GTF2IRD2: variants seen among roughly 807,000 people sequenced by gnomAD.
GTF2IRD2 encodes the protein GTF2I repeat domain containing 2, also known as general transcription factor II-I repeat domain-containing protein 2A.
A neutral mutation model predicts 49.2 loss-of-function variants in GTF2IRD2; 8 were observed. The ratio of observed to expected loss-of-function variants is 0.16; its 90% CI spans 0.10 to 0.29. The LOEUF is 0.29. Ranked by LOEUF, GTF2IRD2 falls within the 10% of genes least tolerant of loss-of-function variation. The probability of loss-of-function intolerance (pLI) is 1.00; values close to 1 mark genes in which losing one functional copy is unlikely to be tolerated. For missense variants in GTF2IRD2, 130 were observed against 725.7 expected (o/e 0.18, Z 9.43); for synonymous variants, 47 against 289.7 (o/e 0.16, Z 8.51).
intron 1 of GTF2IRD2, among the ~76,000 whole-genome samples, chr7:74,840,774 C>A (rs1800751381): frequency 7.2e-6 from 1 of 139,618 alleles, no homozygotes. Flanking sequence ...GGACCACATG[C>A]CAGGAGAGCC....
At chr7:74,829,783 G>T (rs1282259648) in intron 3 of GTF2IRD2, among the ~76,000 whole-genome samples, 1 of 150,822 alleles carries the variant, frequency 6.6e-6, no homozygotes, top group Non-Finnish European at 1.5e-5. Flanking sequence ...AGCTACTTGG[G>T]ATGCTGAGGC....
intron 3 of GTF2IRD2, among the ~76,000 whole-genome samples, chr7:74,825,767 T>G (rs1232088591): frequency 6.6e-6 from 1 of 151,982 alleles, no homozygotes; most frequent in Non-Finnish European, 1.5e-5. Context: ...TTTGTATCAA[T>G]GTAAGGGGCA....
Position 74,841,031 on chromosome 7 carries a change from TAG to T in GTF2IRD2, c.-5-4650_-5-4649del, listed in dbSNP as rs1319375599. On this transcript the variant is annotated intron_variant, in intron 1 of 15. Transcript: ENST00000451013. ...CCCAGCTAAGTTTTCTATTTTTCAGTAGAGACGGGGTTTCACCATGTTGGCCA... is the reference window on the plus strand; with the variant it reads ...CCCAGCTAAGTTTTCTATTTTTCAGTAGACGGGGTTTCACCATGTTGGCCA... Among the ~76,000 whole-genome samples, 4 of 118,926 alleles carry T rather than the reference TAG, an allele frequency of 3.4e-5. No homozygotes were observed. The Admixed American group carries it at 3.5e-4, about 10-fold the overall frequency. The allele number at this position is 118,926 out of a possible 152,430, so 78.0% of individuals were successfully genotyped here. A position where few individuals can be genotyped will look rare whatever the true frequency, so the allele number is the denominator to read the frequency against.
intron 6 of GTF2IRD2, chr7:74,821,738 G>C (rs1554418635): frequency 1.6e-5 from 1 of 61,596 alleles, no homozygotes; most frequent in East Asian, 6.0e-4. Flanking sequence ...ATTTTTAGTA[G>C]GGATGGGGTT....
intron 1 of GTF2IRD2, among the ~76,000 whole-genome samples, chr7:74,842,361 C>T (rs1800918302): frequency 7.4e-6 from 1 of 134,646 alleles, no homozygotes; most frequent in Admixed American, 7.5e-5. Context: ...TCCTGAGTAG[C>T]TAGGATTACA....
At chr7:74,842,243 T>TA (rs1215397677) in intron 1 of GTF2IRD2, among the ~76,000 whole-genome samples, 4 of 138,204 alleles carry the variant, frequency 2.9e-5, no homozygotes, top group Admixed American at 2.2e-4. Context: ...TTTTTTTTTT[T>TA]TTTTGAGATG....
intron 3 of GTF2IRD2, among the ~76,000 whole-genome samples, chr7:74,831,247 A>G (rs1261498100): frequency 8.0e-5 from 12 of 149,650 alleles, no homozygotes; most frequent in African/African-American, 2.9e-4. Context: ...ATCTATATAC[A>G]TATATATATA....
At chr7:74,798,789 A>G (rs1184685477) in intron 15 of GTF2IRD2, among the ~76,000 whole-genome samples, 1 of 133,776 alleles carries the variant, frequency 7.5e-6, no homozygotes, top group Non-Finnish European at 1.6e-5. Flanking sequence ...GATTACAAGC[A>G]TGAGCCACTG....
In GTF2IRD2 at chr7:74,822,317, T is replaced by C. The variant is rs1174403779; in HGVS notation, c.571+110A>G. 8.1e-6 allele frequency: 9 copies of C among 1,116,324 alleles called. No homozygotes were observed. In the East Asian group the frequency reaches 2.2e-4, roughly 27 times the overall value. 69.2% of individuals were successfully genotyped at this position (1,116,324 alleles called of 1,614,324 possible). A position where few individuals can be genotyped will look rare whatever the true frequency, so the allele number is the denominator to read the frequency against. Reference sequence around the variant, plus strand: ...CACCTGCCTCAGCCTCCCAAAGTGCTGGGATTACAGGTGTGAGCCATCACG... The same window carrying C: ...CACCTGCCTCAGCCTCCCAAAGTGCCGGGATTACAGGTGTGAGCCATCACG... On this transcript the variant is annotated intron_variant, in intron 6 of 15. Transcript: ENST00000451013.
intron 6 of GTF2IRD2, chr7:74,822,197 C>T: frequency 2.6e-6 from 1 of 381,862 alleles, no homozygotes; most frequent in South Asian, 2.1e-5. Flanking sequence ...CACGCGCCCG[C>T]CACCACGCCC....
intron 10 of GTF2IRD2, among the ~76,000 whole-genome samples, chr7:74,809,832 C>T (rs1176387372): frequency 7.9e-6 from 1 of 126,444 alleles, no homozygotes; most frequent in Non-Finnish European, 1.7e-5. Context: ...CTCACTCTGT[C>T]ACCCAGGCTG....
intron 3 of GTF2IRD2, among the ~76,000 whole-genome samples, chr7:74,830,515 A>T (rs1554420274): frequency 1.4e-5 from 2 of 146,400 alleles, no homozygotes; most frequent in Non-Finnish European, 3.0e-5. Context: ...AAAAACAAAA[A>T]CAAAAACGAA....
chr7:74,829,720 CAAAAAAA>C (rs1156848156), intron 3 of GTF2IRD2, among the ~76,000 whole-genome samples: 2 of 88,280 alleles, frequency 2.3e-5, no homozygotes, highest in Non-Finnish European at 4.8e-5. Context: ...TCTCAAAATA[CAAAAAAA>C]AAAAAAAAAA....
At chr7:74,826,943 C>T (rs587657158) in intron 3 of GTF2IRD2, among the ~76,000 whole-genome samples, 9 of 151,950 alleles carry the variant, frequency 5.9e-5, no homozygotes, top group African/African-American at 1.7e-4. Context: ...AACTACTGAT[C>T]TCAAGTGATC....
chr7:74,831,192 CCT>C (rs1281612999), intron 3 of GTF2IRD2, among the ~76,000 whole-genome samples: 1 of 149,630 alleles, frequency 6.7e-6, no homozygotes, highest in Non-Finnish European at 1.5e-5. Flanking sequence ...TCAATTCTCC[CCT>C]CTCTCATCTC....
chr7:74,824,274 A>T (rs1442542000), intron 4 of GTF2IRD2, among the ~76,000 whole-genome samples: 3 of 74,228 alleles, frequency 4.0e-5, no homozygotes, highest in African/African-American at 2.0e-4. Flanking sequence ...TTCGAGACCA[A>T]CCTGGCCAAC....
chr7:74,830,393 A>G (rs587662483), intron 3 of GTF2IRD2, among the ~76,000 whole-genome samples: 1 of 148,330 alleles, frequency 6.7e-6, no homozygotes, highest in East Asian at 2.0e-4. Flanking sequence ...AATCTCAGCT[A>G]TTTGGAAGGC....
intron 2 of GTF2IRD2, among the ~76,000 whole-genome samples, chr7:74,834,753 G>A (rs1554420848): frequency 1.8e-5 from 2 of 113,828 alleles, no homozygotes; most frequent in African/African-American, 1.1e-4. Context: ...GCAGGCTGGA[G>A]TGCAGTGTCA....
chr7:74,836,729 C>T (rs1189125342), intron 1 of GTF2IRD2, among the ~76,000 whole-genome samples: 2 of 152,206 alleles, frequency 1.3e-5, no homozygotes, highest in Non-Finnish European at 2.9e-5. Flanking sequence ...TCACGCCTGG[C>T]TGATTTTTGT....
Sources: allele counts gnomAD v4.1 joint callset (sites outside exome capture counted in the v4.1 genomes callset), GRCh38; gene constraint gnomAD v4.1.1; transcripts MANE v1.5; gene names NCBI Gene and HGNC (gene_info 2026-07-23, HGNC 2026-07-21).